The following NCAPH variants were observed in gnomAD, a reference collection of about 807,000 sequenced individuals.
NCAPH encodes condensin complex subunit 2.
In NCAPH, 38 loss-of-function variants were observed where a neutral mutation model predicts 85.5. The ratio of observed to expected loss-of-function variants is 0.44; its 90% CI spans 0.34 to 0.58. NCAPH has a LOEUF of 0.58. Among genes scored for constraint, NCAPH ranks in the 20% least tolerant of loss-of-function variants. NCAPH has a pLI of 0.01. For synonymous variants in NCAPH, 301 were observed against 335.1 expected (o/e 0.90, Z 1.11); for missense variants, 789 against 916.6 (o/e 0.86, Z 1.80).
Position 96,351,950 on chromosome 2 carries a change from C to T in NCAPH, c.840C>T (p.Val280=). The T allele has an allele frequency of 1.2e-6, 2 of 1,614,174 alleles. No individual in the cohort carries two copies. Among genetic ancestry groups the T allele is most frequent in the South Asian group, 1.1e-5 (1 of 91,084 alleles). ...GTGAACTGCTGTTTCCCTCTGATGT[C>T]CAGACTCTCTCCACGGGAGAACCTC... ...YRSELLFPSD[V]QTLSTGEPLE... The change falls in exon 7 of 18, where the codon GTC becomes GTT. Residue 280 remains valine, a synonymous_variant. Transcript: ENST00000240423.
chr2:96,369,207 C>A, intron 16 of NCAPH, 144 bp downstream of exon 16: 1 of 951,380 alleles, frequency 1.1e-6, no homozygotes, highest in Non-Finnish European at 1.6e-6. Context: ...TAATACAGAC[C>A]AACTTTTAAA....
chr2:96,364,760 G>A (rs2064671712), intron 13 of NCAPH, among the ~76,000 whole-genome samples, 169 bp downstream of exon 13: 1 of 152,238 alleles, frequency 6.6e-6, no homozygotes, highest in African/African-American at 2.4e-5. Flanking sequence ...GCTGAGCAGA[G>A]TCAAGGAAAC....
chr2:96,348,188 C>T (rs2104439861), intron 6 of NCAPH, among the ~76,000 whole-genome samples: 1 of 150,832 alleles, frequency 6.6e-6, no homozygotes, highest in Non-Finnish European at 1.5e-5. Flanking sequence ...CAAGGTCTCT[C>T]TCTTTTTTTT....
intron 1 of NCAPH, among the ~76,000 whole-genome samples, chr2:96,338,007 A>C (rs994385766): frequency 1.3e-5 from 2 of 151,258 alleles, no homozygotes; most frequent in African/African-American, 4.9e-5. Context: ...GCTCACTGCA[A>C]CCTCTGCCTC....
intron 5 of NCAPH, among the ~76,000 whole-genome samples, chr2:96,343,891 G>A (rs2064329039): frequency 6.6e-6 from 1 of 152,010 alleles, no homozygotes; most frequent in Non-Finnish European, 1.5e-5. Context: ...TTGTAGAGAC[G>A]GGGTTTTGTC....
intron 14 of NCAPH, 140 bp from the exon 15 acceptor site, chr2:96,367,116 AC>A: frequency 3.6e-6 from 2 of 561,370 alleles, no homozygotes; most frequent in South Asian, 3.8e-5. Context: ...AAACAAACAA[AC>A]AAAACAAGAG....
chr2:96,342,679 T>G (rs1163167307), intron 3 of NCAPH, 77 bp from the exon 4 acceptor site: 1 of 1,186,784 alleles, frequency 8.4e-7, no homozygotes, highest in Non-Finnish European at 1.2e-6. Context: ...AGACTTAGCT[T>G]CCTCTGTTAA....
At chr2:96,370,976 A>G (rs182657229) in intron 17 of NCAPH, among the ~76,000 whole-genome samples, 1 of 152,346 alleles carries the variant, frequency 6.6e-6, no homozygotes, top group East Asian at 1.9e-4. Flanking sequence ...AAGCCTGTGA[A>G]GGCAGACATG....
In NCAPH at chr2:96,371,811, G is replaced by A. The variant is rs149738847; in HGVS notation, c.2167-1481G>A. 3.9e-5 allele frequency among the ~76,000 whole-genome samples: 6 copies of A among 152,236 alleles called. No individual in the cohort carries two copies. In the East Asian group the frequency reaches 7.7e-4, roughly 20 times the overall value. ...AGCCACCAAGAGAAATATTCTCAAC[G>A]CTTCACAGCAGAACTTGACCTCCTC... On this transcript the variant is annotated intron_variant, in intron 17 of 17. Coordinates refer to ENST00000240423, the MANE Select transcript of NCAPH (RefSeq NM_015341.5).
intron 17 of NCAPH, among the ~76,000 whole-genome samples, chr2:96,371,914 A>G (rs560845255): frequency 1.6e-4 from 24 of 152,264 alleles, no homozygotes; most frequent in African/African-American, 5.5e-4. Flanking sequence ...CTCCCCTCAC[A>G]TAGCCAGGCA....
At position 96,375,557 on chromosome 2, in the gene NCAPH, G is replaced by A. The variant is rs563638398; in HGVS notation, c.*2206G>A. On this transcript the variant is annotated 3_prime_UTR_variant, in exon 18 of 18. Transcript: ENST00000240423. ...CTCACCAGACAGCAAATCTGCCGGC[G>A]TCTTGATCTTGGACTTCTCAGCCTC... Among the ~76,000 whole-genome samples the A allele has an allele frequency of 7.9e-5, 12 of 152,258 alleles. No homozygotes were observed. The highest frequency in any genetic ancestry group is 1.2e-4 in the African/African-American group (5 of 41,544).
At chr2:96,365,241 A>G (rs1427206425) in intron 13 of NCAPH, among the ~76,000 whole-genome samples, 1 of 152,160 alleles carries the variant, frequency 6.6e-6, no homozygotes, top group Non-Finnish European at 1.5e-5. Context: ...ACTGGAAAAA[A>G]ATGTATTCAC....
At position 96,343,216 on chromosome 2, in the gene NCAPH, G is replaced by A. The variant is rs1378530438; in HGVS notation, c.507G>A (p.Val169=). ...GCACCAAGATCTATGCTGTGCGCGT[G>A]GATGCCGTCCATGCCGATGTATACA... ...DASTKIYAVR[V]DAVHADVYRV... The change falls in exon 5 of 18, where the codon GTG becomes GTA. Residue 169 remains valine, a synonymous_variant. Coordinates refer to ENST00000240423, the MANE Select transcript of NCAPH (RefSeq NM_015341.5). The A allele has an allele frequency of 4.3e-6, 7 of 1,614,074 alleles. No homozygotes were observed. The highest frequency in any genetic ancestry group is 5.9e-6 in the Non-Finnish European group (7 of 1,180,038).
chr2:96,346,862 G>C (rs899733110), intron 6 of NCAPH, among the ~76,000 whole-genome samples: 1 of 152,040 alleles, frequency 6.6e-6, no homozygotes, highest in Non-Finnish European at 1.5e-5. Context: ...TGGAGTCCTG[G>C]GTTTCTTAGG....
chr2:96,343,087 G>A lies in NCAPH; in HGVS notation c.457-79G>A, dbSNP rs1050363905. 19 of 1,562,262 alleles carry A rather than the reference G, an allele frequency of 1.2e-5. No individual in the cohort carries two copies. In the African/African-American group the frequency reaches 1.2e-4, roughly 10 times the overall value. On this transcript the variant is annotated intron_variant, in intron 4 of 17. Coordinates refer to ENST00000240423, the MANE Select transcript of NCAPH (RefSeq NM_015341.5). ...CTTCCTTGGGGCAAGTAAATATTTT[G>A]TGAAGCTTGCTGTGTTTTACCTGTT...
chr2:96,364,883 A>C (rs139300476), intron 13 of NCAPH, among the ~76,000 whole-genome samples: 1 of 152,268 alleles, frequency 6.6e-6, no homozygotes, highest in African/African-American at 2.4e-5. Flanking sequence ...ACAAAGTACT[A>C]ATCTTGGCTG....
chr2:96,343,214 G>T lies in NCAPH; in HGVS notation c.505G>T (p.Val169Leu). 1 of 1,614,180 alleles carries T rather than the reference G, an allele frequency of 6.2e-7. No individual in the cohort carries two copies. The highest frequency in any genetic ancestry group is 8.5e-7 in the Non-Finnish European group (1 of 1,180,032). The change falls in exon 5 of 18, where the codon GTG becomes TTG. Residue 169 changes from valine (V) to leucine (L), a missense_variant. Physicochemically the swap from Val to Leu is conservative, Grantham distance 32. Transcript: ENST00000240423. The stretch of plus-strand genomic sequence containing the variant: ...CAGCACCAAGATCTATGCTGTGCGC[G>T]TGGATGCCGTCCATGCCGATGTATA... ...DASTKIYAVRVDAVHADVYRV... is the reference protein window; with the variant it reads ...DASTKIYAVRLDAVHADVYRV...
Position 96,376,796 on chromosome 2 carries a change from T to C in NCAPH, c.*3445T>C, listed in dbSNP as rs1476428404. ...TTCTCAGTTTTGGTTCATTTAAAAATGTTTTTTGGGGGAATTGGGGATCAT... is the reference window on the plus strand; with the variant it reads ...TTCTCAGTTTTGGTTCATTTAAAAACGTTTTTTGGGGGAATTGGGGATCAT... On this transcript the variant is annotated 3_prime_UTR_variant, in exon 18 of 18. Transcript: ENST00000240423. 2.6e-5 allele frequency among the ~76,000 whole-genome samples: 4 copies of C among 152,044 alleles called. No individual in the cohort carries two copies. The East Asian group carries it at 5.8e-4, about 22-fold the overall frequency.
Position 96,354,482 on chromosome 2 carries a change from CT to C in NCAPH, c.1208+103del, listed in dbSNP as rs1229490173. The C allele has an allele frequency of 1.3e-3, 1,415 of 1,096,550 alleles. 6 individuals are homozygous for C. Among genetic ancestry groups the C allele is most frequent in the African/African-American group, 0.012 (741 of 60,540 alleles). 67.9% of individuals were successfully genotyped at this position (1,096,550 alleles called of 1,614,324 possible). A position where few individuals can be genotyped will look rare whatever the true frequency, so the allele number is the denominator to read the frequency against. On this transcript the variant is annotated intron_variant, in intron 9 of 17. Coordinates refer to ENST00000240423, the MANE Select transcript of NCAPH (RefSeq NM_015341.5). The stretch of plus-strand genomic sequence containing the variant: ...TTTTCTAATTAAAAAATTTTTCTTT[CT>C]TTTTTTTTCCCCCCCCAAAAATAGA...
Sources: gnomAD v4.1 joint callset for allele counts (sites outside exome capture counted in the v4.1 genomes callset) on GRCh38, gnomAD v4.1.1 for gene constraint, MANE v1.5 for transcripts, NCBI Gene and HGNC (gene_info 2026-07-23, HGNC 2026-07-21) for gene names.